The following ADAMTSL3 variants were observed in gnomAD, a reference collection of about 807,000 sequenced individuals.
ADAMTSL3 encodes the protein ADAMTS-like protein 3.
ADAMTSL3 carries 128 observed loss-of-function variants against 201.7 expected under a neutral mutation model. The observed-to-expected ratio is 0.63, with a 90% CI of 0.55 to 0.73. The LOEUF (loss-of-function observed/expected upper bound fraction) is 0.73. ADAMTSL3 is among the 30% of genes least tolerant of loss of function. The probability of loss-of-function intolerance (pLI) is 0.00; values close to 1 mark genes in which losing one functional copy is unlikely to be tolerated. For synonymous variants in ADAMTSL3, 738 were observed against 748.4 expected (o/e 0.99, Z 0.23); for missense variants, 1,990 against 2,119.6 (o/e 0.94, Z 1.20).
chr15:83,674,941 T>C (rs1308754264), intron 2 of ADAMTSL3, among the ~76,000 whole-genome samples: 1 of 151,604 alleles, frequency 6.6e-6, no homozygotes, highest in Non-Finnish European at 1.5e-5. Context: ...TCATAATGTT[T>C]TGTAAAATTC....
At chr15:83,836,811 ACATCCTGC>A (rs2064278250) in intron 6 of ADAMTSL3, among the ~76,000 whole-genome samples, 1 of 152,158 alleles carries the variant, frequency 6.6e-6, no homozygotes, top group Non-Finnish European at 1.5e-5. Flanking sequence ...GAATTTTTCA[ACATCCTGC>A]AGCTTGAAAG....
At chr15:83,783,029 A>ATT (rs1339327919) in intron 4 of ADAMTSL3, among the ~76,000 whole-genome samples, 1 of 147,906 alleles carries the variant, frequency 6.8e-6, no homozygotes, top group Non-Finnish European at 1.5e-5. Flanking sequence ...ATACGTATAT[A>ATT]TTATATATAT....
intron 3 of ADAMTSL3, among the ~76,000 whole-genome samples, chr15:83,705,710 G>A (rs1238726766): frequency 6.6e-6 from 1 of 152,244 alleles, no homozygotes; most frequent in East Asian, 1.9e-4. Context: ...GGAAGACACT[G>A]CACACTCTCC....
chr15:84,021,620 A>G (rs747660458), intron 26 of ADAMTSL3, 27 bp downstream of exon 26: 1 of 1,559,752 alleles, frequency 6.4e-7, no homozygotes. Context: ...TTTGTATCTC[A>G]TCAACACCAA....
chr15:83,822,522 G>T (rs1439594370), intron 6 of ADAMTSL3, among the ~76,000 whole-genome samples: 1 of 140,644 alleles, frequency 7.1e-6, no homozygotes, highest in Admixed American at 6.8e-5. Context: ...AGACGGGGTT[G>T]CGGCCGGGTA....
At chr15:83,845,077 C>T (rs1179993581) in intron 7 of ADAMTSL3, among the ~76,000 whole-genome samples, 1 of 152,220 alleles carries the variant, frequency 6.6e-6, no homozygotes, top group Admixed American at 6.5e-5. Flanking sequence ...TGAACCTGGA[C>T]CATGTGTCTC....
At chr15:83,661,499 TC>T (rs1377009308) in intron 2 of ADAMTSL3, among the ~76,000 whole-genome samples, 1 of 152,082 alleles carries the variant, frequency 6.6e-6, no homozygotes, top group Non-Finnish European at 1.5e-5. Context: ...GTCCTTCACA[TC>T]CCTTGTAAGT....
chr15:84,022,042 G>C (rs2068214517), intron 26 of ADAMTSL3, among the ~76,000 whole-genome samples: 1 of 152,166 alleles, frequency 6.6e-6, no homozygotes, highest in South Asian at 2.1e-4. Context: ...CCATTAATAA[G>C]CTTTCTAAGC....
chr15:83,714,824 T>TTC lies in ADAMTSL3; in HGVS notation c.189+10326_189+10327dup, dbSNP rs752449780. On this transcript the variant is annotated intron_variant, in intron 3 of 29. Coordinates refer to ENST00000286744, the MANE Select transcript of ADAMTSL3 (RefSeq NM_207517.3). ...CTTTCTTTCTTCTTTCTTTCTTTCCTTCTCTCTCTCTTTCTTTCTCTCTCT... is the reference window on the plus strand; with the variant it reads ...CTTTCTTTCTTCTTTCTTTCTTTCCTTCTCTCTCTCTCTTTCTTTCTCTCTCT... Among the ~76,000 whole-genome samples, 515 of 97,808 alleles carry TTC rather than the reference T, an allele frequency of 5.3e-3. 8 individuals are homozygous for TTC. The highest frequency in any genetic ancestry group is 0.014 in the Middle Eastern group (2 of 142). The allele number at this position is 97,808 out of a possible 152,430, so 64.2% of individuals were successfully genotyped here.
In ADAMTSL3 at chr15:84,019,675, CA is replaced by C. The variant is rs537417615; in HGVS notation, c.4274-1733del. 3.1e-3 allele frequency among the ~76,000 whole-genome samples: 469 copies of C among 152,136 alleles called. 3 individuals carry two copies. The highest frequency in any genetic ancestry group is 0.011 in the African/African-American group (458 of 41,514). On this transcript the variant is annotated intron_variant, in intron 25 of 29. Coordinates refer to ENST00000286744, the MANE Select transcript of ADAMTSL3 (RefSeq NM_207517.3). ...TTGGGAGGCAGAAGCGGGTGGACCA[CA>C]AGGTCAGGGGTTCGAGACCAGCCTG...
chr15:84,026,697 G>A (rs2068315926), intron 27 of ADAMTSL3, among the ~76,000 whole-genome samples: 2 of 152,130 alleles, frequency 1.3e-5, no homozygotes, highest in South Asian at 4.1e-4. Context: ...AATGGGGGAA[G>A]AATAGTCTTT....
intron 2 of ADAMTSL3, among the ~76,000 whole-genome samples, chr15:83,686,981 AGG>A (rs2061544583): frequency 6.6e-6 from 1 of 152,100 alleles, no homozygotes; most frequent in Non-Finnish European, 1.5e-5. Context: ...ACTTGAGTTG[AGG>A]AGTTCGAGAT....
chr15:83,677,976 C>G (rs766720955), intron 2 of ADAMTSL3, among the ~76,000 whole-genome samples: 8 of 151,632 alleles, frequency 5.3e-5, no homozygotes, highest in Admixed American at 3.3e-4. Context: ...ATTTCTCTCC[C>G]TGCCTCTCCC....
chr15:83,727,766 A>C (rs1318822705), intron 3 of ADAMTSL3, among the ~76,000 whole-genome samples: 1 of 151,866 alleles, frequency 6.6e-6, no homozygotes, highest in African/African-American at 2.4e-5. Flanking sequence ...TTTTTTAAAG[A>C]CCTGTTTTTG....
At chr15:83,925,674 A>G (rs2066232697) in intron 17 of ADAMTSL3, among the ~76,000 whole-genome samples, 1 of 152,250 alleles carries the variant, frequency 6.6e-6, no homozygotes, top group Non-Finnish European at 1.5e-5. Context: ...TGTTGAATAT[A>G]TATTCACTTG....
chr15:83,767,908 T>G (rs1317335082), intron 3 of ADAMTSL3, among the ~76,000 whole-genome samples: 5 of 152,174 alleles, frequency 3.3e-5, no homozygotes, highest in Non-Finnish European at 5.9e-5. Context: ...GCTGTAAGAT[T>G]AGAGAGCTAT....
intron 4 of ADAMTSL3, among the ~76,000 whole-genome samples, chr15:83,775,301 T>G (rs562803947): frequency 6.6e-6 from 1 of 151,584 alleles, no homozygotes; most frequent in South Asian, 2.1e-4. Context: ...CAATTAGTGG[T>G]AGGGTTAGAG....
At chr15:83,789,730 G>A (rs1347623000) in intron 4 of ADAMTSL3, among the ~76,000 whole-genome samples, 2 of 152,086 alleles carry the variant, frequency 1.3e-5, no homozygotes, top group Non-Finnish European at 2.9e-5. Context: ...TAGTACTCTT[G>A]CCCTTAGTTG....
chr15:83,891,066 A>G (rs1478474516), intron 11 of ADAMTSL3: 1 of 377,348 alleles, frequency 2.7e-6, no homozygotes, highest in Non-Finnish European at 4.7e-6. Flanking sequence ...TTGAAATTGC[A>G]AGATACTTTT....
Sources: allele counts gnomAD v4.1 joint callset (sites outside exome capture counted in the v4.1 genomes callset), GRCh38; gene constraint gnomAD v4.1.1; transcripts MANE v1.5; gene names NCBI Gene and HGNC (gene_info 2026-07-23, HGNC 2026-07-21).